HLA-DQA1: variants seen among roughly 807,000 people sequenced by gnomAD.
HLA-DQA1 encodes the protein HLA class II histocompatibility antigen, DQ alpha 1 chain.
HLA-DQA1 carries 10 observed loss-of-function variants against 20.7 expected under a neutral mutation model. The observed-to-expected ratio is 0.48, with a 90% confidence interval of 0.30 to 0.82. The LOEUF (loss-of-function observed/expected upper bound fraction) is 0.82, where lower values mean the gene tolerates loss of function less well. Ranked by LOEUF, HLA-DQA1 falls within the 40% of genes least tolerant of loss-of-function variation. The pLI, the probability that HLA-DQA1 is intolerant of heterozygous loss-of-function variation, is 0.07. For synonymous variants in HLA-DQA1, 39 were observed against 109.2 expected (o/e 0.36, Z 4.01); for missense variants, 127 against 293.0 (o/e 0.43, Z 4.14).
the HLA-DQA1 span, among the ~76,000 whole-genome samples, chr6:32,652,998 C>A: frequency 0.54 from 77,586 of 142,370 alleles, 22,938 homozygotes; most frequent in Middle Eastern, 0.7. Flanking sequence ...TTTATACCCC[C>A]ACACTGACCA....
chr6:32,642,087 C>T lies in HLA-DQA1; in HGVS notation c.447C>T (p.Ser149=). 1.7e-6 allele frequency: 2 copies of T among 1,211,240 alleles called. No homozygotes were observed. Among genetic ancestry groups the T allele is most frequent in the Admixed American group, 2.2e-5 (1 of 46,480 alleles). 75.0% of individuals were successfully genotyped at this position (1,211,240 alleles called of 1,614,324 possible). A position where few individuals can be genotyped will look rare whatever the true frequency, so the allele number is the denominator to read the frequency against. The change falls in exon 3 of 5, where the codon AGC becomes AGT. Residue 149 remains serine, a synonymous_variant. Coordinates refer to ENST00000343139, the MANE Select transcript of HLA-DQA1 (RefSeq NM_002122.5). ...CTGTGGTCAACATCACATGGCTGAGCAATGGGCAGTCAGTCACAGAAGGTG... is the reference window on the plus strand; with the variant it reads ...CTGTGGTCAACATCACATGGCTGAGTAATGGGCAGTCAGTCACAGAAGGTG... ...FPPVVNITWL[S]NGQSVTEGVS...
downstream of HLA-DQA1, chr6:32,643,685 CTT>C (rs34152004): frequency 0.1 from 14,283 of 141,462 alleles, 955 homozygotes; most frequent in Middle Eastern, 0.26. Context: ...ATTCTCAAAA[CTT>C]TAAATTTATG....
At position 32,637,582 on chromosome 6, in the gene HLA-DQA1, A is replaced by G; in HGVS notation, c.82+42A>G. ...GGGATGTTCTCTGGAGCTGAAAAACAGTAAATTGAAGGAAAAGAGATAAAG... is the reference window on the plus strand; with the variant it reads ...GGGATGTTCTCTGGAGCTGAAAAACGGTAAATTGAAGGAAAAGAGATAAAG... On this transcript the variant is annotated intron_variant, in intron 1 of 4. Coordinates refer to ENST00000343139, the MANE Select transcript of HLA-DQA1 (RefSeq NM_002122.5). 2 of 876,808 alleles carry G rather than the reference A, an allele frequency of 2.3e-6. 1 individual carries two copies. Among genetic ancestry groups the G allele is most frequent in the Non-Finnish European group, 3.4e-6 (2 of 589,702 alleles). 54.3% of individuals were successfully genotyped at this position (876,808 alleles called of 1,614,324 possible). A position where few individuals can be genotyped will look rare whatever the true frequency, so the allele number is the denominator to read the frequency against.
chr6:32,652,434 A>G, the HLA-DQA1 span, among the ~76,000 whole-genome samples: 1 of 151,452 alleles, frequency 6.6e-6, no homozygotes, highest in Non-Finnish European at 1.5e-5. Context: ...TGAAACTGTT[A>G]ATCAGGAAAT....
At chr6:32,643,983 G>T (rs9273025), downstream of HLA-DQA1, 40,907 of 146,298 alleles carry the variant, frequency 0.28, 6,185 homozygotes, top group East Asian at 0.35. Flanking sequence ...GTGCCACTCT[G>T]GCATGAAGGA....
chr6:32,651,783 T>C (rs2150987166), downstream of HLA-DQA1, among the ~76,000 whole-genome samples: 2 of 93,126 alleles, frequency 2.1e-5, 1 homozygote, highest in African/African-American at 7.4e-5. Context: ...AATAGAAAGA[T>C]ATTGCCAGGT....
In HLA-DQA1 at chr6:32,642,626, C is replaced by A. The variant is rs3188543; in HGVS notation, c.630C>A (p.Ala210=). 363,152 of 1,181,246 alleles carry A rather than the reference C, an allele frequency of 0.31. 110,386 individuals are homozygous for A. The highest frequency in any genetic ancestry group is 0.36 in the Admixed American group (16,511 of 45,370). The allele number at this position is 1,181,246 out of a possible 1,614,324, so 73.2% of individuals were successfully genotyped here. Residue 210 remains alanine (A), a synonymous_variant, in exon 4 of 5, where the codon GCC becomes GCA. Transcript: ENST00000343139. ...LLKHWEPEIP[A]PMSELTETVV... Reference sequence around the variant, plus strand: ...CTTCCACAGAGCCTGAGATTCCAGCCCCTATGTCAGAGCTCACAGAGACTG... The same window carrying A: ...CTTCCACAGAGCCTGAGATTCCAGCACCTATGTCAGAGCTCACAGAGACTG...
rs9272887 is a variant in HLA-DQA1 at position 32,643,012 on chromosome 6, T to A, written c.*81T>A. On this transcript the variant is annotated 3_prime_UTR_variant, in exon 5 of 5. Coordinates refer to ENST00000343139, the MANE Select transcript of HLA-DQA1 (RefSeq NM_002122.5). ...TGCTAAATGACCTAGCACTATTCTCTGGCCCGATTTATCATATCCCTTTTC... is the reference window on the plus strand; with the variant it reads ...TGCTAAATGACCTAGCACTATTCTCAGGCCCGATTTATCATATCCCTTTTC... 2 of 415,452 alleles carry A rather than the reference T, an allele frequency of 4.8e-6. 1 individual carries two copies. Among genetic ancestry groups the A allele is most frequent in the Non-Finnish European group, 8.9e-6 (2 of 225,920 alleles). The allele number at this position is 415,452 out of a possible 1,614,324, so 25.7% of individuals were successfully genotyped here. A position where few individuals can be genotyped will look rare whatever the true frequency, so the allele number is the denominator to read the frequency against.
the HLA-DQA1 span, among the ~76,000 whole-genome samples, chr6:32,652,378 C>T: frequency 0.11 from 10,841 of 96,560 alleles, 3,805 homozygotes; most frequent in African/African-American, 0.16. Context: ...ATTTTACCTA[C>T]CACACAGTTT....
downstream of HLA-DQA1, among the ~76,000 whole-genome samples, chr6:32,648,540 A>T (rs1404579106): frequency 2.1e-5 from 2 of 97,508 alleles, 1 homozygote; most frequent in Admixed American, 2.5e-4. Flanking sequence ...CCACATGATT[A>T]TCTCAATAGA....
chr6:32,638,719 AG>A (rs1561937088), intron 1 of HLA-DQA1, among the ~76,000 whole-genome samples: 1 of 60,040 alleles, frequency 1.7e-5, no homozygotes, highest in Non-Finnish European at 3.7e-5. Context: ...GGAAGGAAGG[AG>A]AAGGAAGGAA....
At position 32,643,519 on chromosome 6, in the gene HLA-DQA1, G is replaced by T; in HGVS notation, c.*588G>T. 1 of 180,350 alleles carries T rather than the reference G, an allele frequency of 5.5e-6. No homozygotes were observed. The allele number at this position is 180,350 out of a possible 1,614,324, so 11.2% of individuals were successfully genotyped here. ...AATTCAGGCAACAATGAAATTAATG[G>T]ATACCGTCTGCCCTTGGCCCAGAAT... On this transcript the variant is annotated 3_prime_UTR_variant, in exon 5 of 5. Coordinates refer to ENST00000343139, the MANE Select transcript of HLA-DQA1 (RefSeq NM_002122.5).
downstream of HLA-DQA1, chr6:32,645,178 T>A (rs1223079658): frequency 6.6e-6 from 1 of 151,568 alleles, no homozygotes. Context: ...TGTAAGTTCA[T>A]AAATTATAGC....
chr6:32,646,853 TCAG>T (rs1781959794), downstream of HLA-DQA1: 1 of 43,200 alleles, frequency 2.3e-5, no homozygotes, highest in Admixed American at 3.2e-4. Flanking sequence ...CTCCATTTCT[TCAG>T]CAACAATTCA....
At chr6:32,647,029 A>G, downstream of HLA-DQA1, 1 of 151,794 alleles carries the variant, frequency 6.6e-6, no homozygotes. Context: ...AAGTCATTAT[A>G]CTTTAGATTT....
chr6:32,650,627 G>A (rs112616562), downstream of HLA-DQA1, among the ~76,000 whole-genome samples: 14,780 of 89,604 alleles, frequency 0.16, 5,539 homozygotes, highest in South Asian at 0.39. Flanking sequence ...GCATGTTCTC[G>A]CTCATAAGTG....
rs35087390 is a variant in HLA-DQA1, at chr6:32,642,660, G to C, written c.664G>C (p.Ala222Pro). ...AGAGCTCACAGAGACTGTGGTCTGT[G>C]CCCTGGGGTTGTCTGTGGGCCTCAT... The part of the protein sequence containing the change: ...MSELTETVVC[A>P]LGLSVGLMGI... The change falls in exon 4 of 5, where the codon GCC becomes CCC. Residue 222 changes from alanine to proline, a missense_variant. By Grantham distance (27) the Ala-to-Pro change is conservative (BLOSUM62 -1). Transcript: ENST00000343139. The C allele has an allele frequency of 1.5e-6, 2 of 1,303,698 alleles. No homozygotes were observed. The highest frequency in any genetic ancestry group is 3.3e-5 in the African/African-American group (2 of 60,474). 80.8% of individuals were successfully genotyped at this position (1,303,698 alleles called of 1,614,324 possible). A position where few individuals can be genotyped will look rare whatever the true frequency, so the allele number is the denominator to read the frequency against.
chr6:32,654,426 G>T, the HLA-DQA1 span, among the ~76,000 whole-genome samples: 40,183 of 95,700 alleles, frequency 0.42, 10,227 homozygotes, highest in Middle Eastern at 0.61. Flanking sequence ...TTGGTTCCAG[G>T]ATCCTCTCTG....
chr6:32,639,651 G>A (rs1581977776), intron 1 of HLA-DQA1: 1 of 98,280 alleles, frequency 1.0e-5, no homozygotes, highest in South Asian at 3.1e-4. Context: ...AAAGCAGAAG[G>A]CCATTGCTGA....
Sources: gnomAD v4.1 joint callset for allele counts (sites outside exome capture counted in the v4.1 genomes callset) on GRCh38, gnomAD v4.1.1 for gene constraint, MANE v1.5 for transcripts, NCBI Gene and HGNC (gene_info 2026-07-23, HGNC 2026-07-21) for gene names.